The following SIDT1 variants were observed in gnomAD, a reference collection of about 807,000 sequenced individuals.
The protein encoded by SIDT1 is SID1 transmembrane family, member 1.
In SIDT1, 101 loss-of-function variants were observed where a neutral mutation model predicts 107.5. The ratio of observed to expected loss-of-function variants is 0.94; its 90% CI spans 0.80 to 1.11. The LOEUF is 1.11. Among genes scored for constraint, SIDT1 ranks in the 50% least tolerant of loss-of-function variants. SIDT1 has a pLI of 0.00. For missense variants in SIDT1, 1,076 were observed against 1,058.2 expected (o/e 1.02, Z -0.23); for synonymous variants, 395 against 398.2 (o/e 0.99, Z 0.10).
At chr3:113,535,097 C>T (rs1354209415) in intron 1 of SIDT1, among the ~76,000 whole-genome samples, 1 of 152,070 alleles carries the variant, frequency 6.6e-6, no homozygotes, top group Non-Finnish European at 1.5e-5. Context: ...CATAATGAGA[C>T]CCTCTCTCTA....
chr3:113,612,055 A>G, intron 18 of SIDT1, 31 bp from the exon 19 acceptor site: 1 of 1,520,370 alleles, frequency 6.6e-7, no homozygotes, highest in Non-Finnish European at 9.1e-7. Flanking sequence ...GGAAAACCTC[A>G]GATGAAGGTA....
intron 1 of SIDT1, among the ~76,000 whole-genome samples, chr3:113,562,419 A>G (rs1459252918): frequency 6.6e-6 from 1 of 152,238 alleles, no homozygotes; most frequent in African/African-American, 2.4e-5. Context: ...TTGTATACAA[A>G]TGTTCACAGC....
At chr3:113,558,305 G>A (rs972309824) in intron 1 of SIDT1, among the ~76,000 whole-genome samples, 1 of 152,178 alleles carries the variant, frequency 6.6e-6, no homozygotes, top group African/African-American at 2.4e-5. Context: ...GCATGTATGT[G>A]TCTCATACTC....
Position 113,560,448 on chromosome 3 carries a change from T to A in SIDT1, c.223-5972T>A, listed in dbSNP as rs1250207707. Reference sequence around the variant, plus strand: ...GAATATCCCCAGCACCTCCCACAGCTCCTGACTCAGGGCAAATCCTCAGTA... The same window carrying A: ...GAATATCCCCAGCACCTCCCACAGCACCTGACTCAGGGCAAATCCTCAGTA... On this transcript the variant is annotated intron_variant, in intron 1 of 24. Coordinates refer to ENST00000264852, the MANE Select transcript of SIDT1 (RefSeq NM_017699.3). Among the ~76,000 whole-genome samples, 3 of 152,154 alleles carry A rather than the reference T, an allele frequency of 2.0e-5. No individual in the cohort carries two copies. In the East Asian group the frequency reaches 5.8e-4, roughly 29 times the overall value.
intron 1 of SIDT1, among the ~76,000 whole-genome samples, chr3:113,565,223 C>T (rs1010484992): frequency 3.3e-5 from 5 of 152,040 alleles, no homozygotes; most frequent in African/African-American, 1.2e-4. Context: ...TTACATGTTG[C>T]CTATGGTATT....
At chr3:113,551,156 A>G (rs1001890819) in intron 1 of SIDT1, among the ~76,000 whole-genome samples, 3 of 152,068 alleles carry the variant, frequency 2.0e-5, no homozygotes, top group Non-Finnish European at 4.4e-5. Context: ...TCTTTATCCA[A>G]TCTATCATTG....
rs140991768 is a variant in SIDT1 at position 113,576,341 on chromosome 3, G to A, written c.516-581G>A. 5.5e-3 allele frequency among the ~76,000 whole-genome samples: 837 copies of A among 152,240 alleles called. 10 individuals are homozygous for A. The highest frequency in any genetic ancestry group is 9.5e-3 in the Non-Finnish European group (646 of 68,008). Reference sequence around the variant, plus strand: ...TGGAAGGCAATGCCTAACCTAAACGGAACTAAATCTTGGGGAATTTCAGCC... The same window carrying A: ...TGGAAGGCAATGCCTAACCTAAACGAAACTAAATCTTGGGGAATTTCAGCC... On this transcript the variant is annotated intron_variant, in intron 3 of 24. Coordinates refer to ENST00000264852, the MANE Select transcript of SIDT1 (RefSeq NM_017699.3).
chr3:113,596,974 A>G (rs1260529106), intron 10 of SIDT1, among the ~76,000 whole-genome samples: 1 of 152,134 alleles, frequency 6.6e-6, no homozygotes. Flanking sequence ...AGACAAGGAG[A>G]GTGTTGAATT....
At chr3:113,632,113 C>T (rs368239311), downstream of SIDT1, among the ~76,000 whole-genome samples, 3 of 151,962 alleles carry the variant, frequency 2.0e-5, no homozygotes, top group Admixed American at 6.6e-5. Context: ...CAGTCAAGTG[C>T]TAAATAAAAA....
chr3:113,560,118 G>A (rs1388631718), intron 1 of SIDT1, among the ~76,000 whole-genome samples: 5 of 152,148 alleles, frequency 3.3e-5, no homozygotes, highest in Non-Finnish European at 7.4e-5. Context: ...TCCTCTGTAC[G>A]TGGGATGGTT....
At chr3:113,580,895 G>A (rs1385670697) in intron 5 of SIDT1, among the ~76,000 whole-genome samples, 186 bp downstream of exon 5, 2 of 152,126 alleles carry the variant, frequency 1.3e-5, no homozygotes, top group Admixed American at 1.3e-4. Context: ...AATTTGGAGT[G>A]GTAAAGAATA....
chr3:113,580,807 G>A, intron 5 of SIDT1, 98 bp downstream of exon 5: 1 of 779,482 alleles, frequency 1.3e-6, no homozygotes, highest in Non-Finnish European at 2.2e-6. Context: ...CTCTTACTGT[G>A]TATCTCCCTT....
chr3:113,613,853 TAAA>T (rs1945920686), intron 19 of SIDT1, among the ~76,000 whole-genome samples: 1 of 152,248 alleles, frequency 6.6e-6, no homozygotes. Context: ...TCTTATCTTT[TAAA>T]AGAAGTGAAA....
chr3:113,581,224 G>A (rs1406357299), intron 5 of SIDT1, 137 bp from the exon 6 acceptor site: 3 of 693,746 alleles, frequency 4.3e-6, no homozygotes, highest in Non-Finnish European at 7.6e-6. Context: ...TTCAAGGGGG[G>A]AAATTGCCTA....
chr3:113,569,335 T>G (rs1942238554), intron 3 of SIDT1, among the ~76,000 whole-genome samples: 1 of 152,184 alleles, frequency 6.6e-6, no homozygotes, highest in African/African-American at 2.4e-5. Flanking sequence ...CTGCACACTT[T>G]TCTATAATAC....
intron 4 of SIDT1, among the ~76,000 whole-genome samples, chr3:113,578,646 A>G (rs903985938): frequency 6.6e-6 from 1 of 151,954 alleles, no homozygotes; most frequent in African/African-American, 2.4e-5. Context: ...CCAAGAGTTC[A>G]AGACCAGCCT....
intron 1 of SIDT1, among the ~76,000 whole-genome samples, chr3:113,534,196 A>AC: frequency 6.6e-6 from 1 of 151,978 alleles, no homozygotes; most frequent in East Asian, 1.9e-4. Context: ...AGCATCCCCT[A>AC]CCCTCTAGGG....
At chr3:113,606,783 G>T in intron 14 of SIDT1, 1 of 372,620 alleles carries the variant, frequency 2.7e-6, no homozygotes, top group South Asian at 7.1e-5. Context: ...AAATGCAATT[G>T]GATGAATTCC....
Position 113,556,821 on chromosome 3 carries a change from C to CT in SIDT1, c.223-9583dup, listed in dbSNP as rs61672960. Among the ~76,000 whole-genome samples the CT allele has an allele frequency of 2.3e-4, 25 of 107,660 alleles. 1 individual carries two copies. Among genetic ancestry groups the CT allele is most frequent in the African/African-American group, 5.8e-4 (17 of 29,356 alleles). 70.6% of individuals were successfully genotyped at this position (107,660 alleles called of 152,430 possible). On this transcript the variant is annotated intron_variant, in intron 1 of 24. Transcript: ENST00000264852. ...ATTGGTATGCCCTAAGTTTCTTTTT[C>CT]TTTTTTTTTTTTTTTTGAAATAGAG...
Sources: gnomAD v4.1 joint callset for allele counts (sites outside exome capture counted in the v4.1 genomes callset) on GRCh38, gnomAD v4.1.1 for gene constraint, MANE v1.5 for transcripts, NCBI Gene and HGNC (gene_info 2026-07-23, HGNC 2026-07-21) for gene names.